The following NEGR1 variants were observed in gnomAD, a reference collection of about 807,000 sequenced individuals.
NEGR1 encodes IgLON family member 4.
Under a neutral mutation model 40.9 loss-of-function variants are expected in NEGR1, and 10 were observed. That is an observed-to-expected ratio of 0.24 (90% CI 0.15 to 0.42). The LOEUF is 0.42. NEGR1 is among the 10% of genes least tolerant of loss of function. The pLI is 1.00. For synonymous variants in NEGR1, 185 were observed against 166.8 expected (o/e 1.11, Z -0.84); for missense variants, 352 against 438.9 (o/e 0.80, Z 1.77).
chr1:71,640,964 C>T (rs1422080535), intron 4 of NEGR1, among the ~76,000 whole-genome samples: 2 of 152,006 alleles, frequency 1.3e-5, no homozygotes, highest in Non-Finnish European at 2.9e-5. Flanking sequence ...GATAATTAAC[C>T]AAAACTTCTG....
intron 6 of NEGR1, among the ~76,000 whole-genome samples, chr1:71,455,926 T>A (rs1188793673): frequency 6.6e-6 from 1 of 152,234 alleles, no homozygotes; most frequent in African/African-American, 2.4e-5. Context: ...TGCAATATCA[T>A]GTGTTGCTCC....
intron 2 of NEGR1, among the ~76,000 whole-genome samples, chr1:71,894,328 G>T (rs1660902428): frequency 6.6e-6 from 1 of 152,054 alleles, no homozygotes; most frequent in African/African-American, 2.4e-5. Context: ...GAAAACATCT[G>T]TAGTAGTTCA....
At chr1:72,035,332 C>T (rs1646893161) in intron 1 of NEGR1, among the ~76,000 whole-genome samples, 1 of 152,172 alleles carries the variant, frequency 6.6e-6, no homozygotes. Flanking sequence ...AATTCTTTCT[C>T]AACTATGACA....
chr1:71,921,706 ATATAT>A (rs2101883578), intron 2 of NEGR1, among the ~76,000 whole-genome samples: 2 of 23,964 alleles, frequency 8.3e-5, no homozygotes, highest in African/African-American at 6.0e-4. Flanking sequence ...GTACAAGAAT[ATATAT>A]ATATATATAT....
intron 1 of NEGR1, among the ~76,000 whole-genome samples, chr1:72,062,703 G>A (rs1010456146): frequency 2.6e-5 from 4 of 151,926 alleles, no homozygotes; most frequent in African/African-American, 9.7e-5. Flanking sequence ...CTAATCTAAG[G>A]AAAGTACAGA....
At chr1:71,705,488 A>G (rs1653857403) in intron 3 of NEGR1, among the ~76,000 whole-genome samples, 1 of 152,232 alleles carries the variant, frequency 6.6e-6, no homozygotes, top group African/African-American at 2.4e-5. Context: ...TTTAAACCAC[A>G]TATTAAACAA....
chr1:72,222,173 T>C (rs1438158721), intron 1 of NEGR1, among the ~76,000 whole-genome samples: 2 of 151,966 alleles, frequency 1.3e-5, no homozygotes, highest in African/African-American at 2.4e-5. Context: ...CCTATGGAAA[T>C]AGGCTTCAGG....
intron 1 of NEGR1, among the ~76,000 whole-genome samples, chr1:72,020,812 A>C (rs1646749852): frequency 6.6e-6 from 1 of 152,356 alleles, no homozygotes; most frequent in East Asian, 1.9e-4. Context: ...AATATATTTA[A>C]ATGATGTAGC....
chr1:71,588,196 A>T (rs1649371523), intron 6 of NEGR1, among the ~76,000 whole-genome samples: 1 of 152,136 alleles, frequency 6.6e-6, no homozygotes, highest in Non-Finnish European at 1.5e-5. Flanking sequence ...TAAAAAACAG[A>T]CTTGGAAGAA....
intron 6 of NEGR1, among the ~76,000 whole-genome samples, chr1:71,586,815 T>C (rs147074397): frequency 4.5e-4 from 68 of 152,276 alleles, no homozygotes; most frequent in African/African-American, 1.5e-3. Context: ...TATGTGATGA[T>C]TATGTCTGTG....
chr1:71,434,997 A>G (rs887498692), intron 6 of NEGR1, among the ~76,000 whole-genome samples: 22 of 152,182 alleles, frequency 1.4e-4, no homozygotes, highest in African/African-American at 5.1e-4. Context: ...AGGCTGAGGC[A>G]GGAGAATGGC....
intron 4 of NEGR1, among the ~76,000 whole-genome samples, chr1:71,684,593 T>C (rs1370447623): frequency 6.6e-6 from 1 of 152,222 alleles, no homozygotes; most frequent in Non-Finnish European, 1.5e-5. Flanking sequence ...TCAGTTTCCC[T>C]GACCTCATAA....
chr1:71,687,835 A>G (rs142030066), intron 4 of NEGR1, among the ~76,000 whole-genome samples: 148 of 152,326 alleles, frequency 9.7e-4, no homozygotes, highest in African/African-American at 2.7e-3. Flanking sequence ...GCAGGCTAGT[A>G]TAGTGAAAGC....
intron 3 of NEGR1, among the ~76,000 whole-genome samples, chr1:71,732,047 A>T (rs1274008703): frequency 6.6e-6 from 1 of 152,126 alleles, no homozygotes; most frequent in Non-Finnish European, 1.5e-5. Context: ...GCCGGGAGTG[A>T]TGGCTCACAT....
chr1:71,935,744 T>C (rs1570526629), intron 1 of NEGR1, among the ~76,000 whole-genome samples: 1 of 152,178 alleles, frequency 6.6e-6, no homozygotes, highest in East Asian at 1.9e-4. Context: ...GAATATAATG[T>C]ACCAGATGCA....
At chr1:71,741,914 G>C (rs1319557849) in intron 3 of NEGR1, among the ~76,000 whole-genome samples, 7 of 152,124 alleles carry the variant, frequency 4.6e-5, no homozygotes, top group Admixed American at 4.6e-4. Flanking sequence ...TCACGACTGT[G>C]AGGACAGTTC....
At chr1:71,647,384 T>C (rs1018117821) in intron 4 of NEGR1, among the ~76,000 whole-genome samples, 1 of 151,972 alleles carries the variant, frequency 6.6e-6, no homozygotes, top group African/African-American at 2.4e-5. Context: ...TCACAGGATT[T>C]GCATTGGTCT....
chr1:72,115,938 G>T (rs866778014), intron 1 of NEGR1, among the ~76,000 whole-genome samples: 1 of 151,742 alleles, frequency 6.6e-6, no homozygotes, highest in Non-Finnish European at 1.5e-5. Flanking sequence ...AATAGGAGTT[G>T]ACTTAAGAGT....
At chr1:71,693,525 A>G (rs948431910) in intron 4 of NEGR1, among the ~76,000 whole-genome samples, 14 of 151,518 alleles carry the variant, frequency 9.2e-5, no homozygotes, top group Admixed American at 2.0e-4. Flanking sequence ...TTACATTCAC[A>G]TATATGTATA....
Sources: gnomAD v4.1 joint callset for allele counts (sites outside exome capture counted in the v4.1 genomes callset) on GRCh38, gnomAD v4.1.1 for gene constraint, MANE v1.5 for transcripts, NCBI Gene and HGNC (gene_info 2026-07-23, HGNC 2026-07-21) for gene names.